XPR1: variants seen among roughly 807,000 people sequenced by gnomAD.
XPR1 encodes the protein xenotropic and polytropic retrovirus receptor 1, also known as solute carrier family 53 member 1.
A neutral mutation model predicts 87.5 loss-of-function variants in XPR1; 28 were observed. The observed-to-expected ratio is 0.32, with a 90% confidence interval of 0.24 to 0.44. XPR1 has a LOEUF of 0.44. Ranked by LOEUF, XPR1 falls within the 20% of genes least tolerant of loss-of-function variation. The pLI is 1.00. For synonymous variants in XPR1, 300 were observed against 306.1 expected (o/e 0.98, Z 0.21); for missense variants, 559 against 862.3 (o/e 0.65, Z 4.41).
At chr1:180,754,495 G>C (rs1268532909) in intron 2 of XPR1, among the ~76,000 whole-genome samples, 3 of 151,932 alleles carry the variant, frequency 2.0e-5, no homozygotes, top group African/African-American at 7.3e-5. Flanking sequence ...GGGTCTCCCT[G>C]TATCACCCTG....
intron 2 of XPR1, among the ~76,000 whole-genome samples, chr1:180,757,975 A>G (rs1647822352): frequency 6.6e-6 from 1 of 151,770 alleles, no homozygotes; most frequent in African/African-American, 2.4e-5. Context: ...TAGTAGAGAA[A>G]GCCCAGCTAT....
chr1:180,695,518 T>C (rs565306349), intron 2 of XPR1, among the ~76,000 whole-genome samples: 29 of 152,250 alleles, frequency 1.9e-4, no homozygotes, highest in Admixed American at 1.7e-3. Flanking sequence ...AGACCAATGT[T>C]CTGAAACATA....
At chr1:180,772,819 C>A (rs1648570656) in intron 2 of XPR1, among the ~76,000 whole-genome samples, 1 of 152,162 alleles carries the variant, frequency 6.6e-6, no homozygotes, top group Non-Finnish European at 1.5e-5. Flanking sequence ...ATCCAATAAA[C>A]CTCTTTCTTT....
chr1:180,823,553 A>G (rs768965692), intron 7 of XPR1, among the ~76,000 whole-genome samples: 3 of 152,236 alleles, frequency 2.0e-5, no homozygotes, highest in Non-Finnish European at 2.9e-5. Flanking sequence ...TCAAGAGTTA[A>G]TATTTTAGGG....
intron 11 of XPR1, among the ~76,000 whole-genome samples, chr1:180,854,536 C>T (rs916936080): frequency 6.6e-6 from 1 of 152,342 alleles, no homozygotes; most frequent in African/African-American, 2.4e-5. Context: ...TGCTCAGTCT[C>T]TGTGGACCAG....
intron 7 of XPR1, among the ~76,000 whole-genome samples, chr1:180,811,731 A>G (rs902820348): frequency 6.6e-6 from 1 of 151,688 alleles, no homozygotes; most frequent in Non-Finnish European, 1.5e-5. Flanking sequence ...TTTCTTCATC[A>G]TTTTCCAGTT....
intron 2 of XPR1, among the ~76,000 whole-genome samples, chr1:180,771,495 A>G (rs923809525): frequency 1.1e-4 from 16 of 152,210 alleles, no homozygotes; most frequent in African/African-American, 3.6e-4. Flanking sequence ...TACTGACTCA[A>G]CTACAGACCT....
chr1:180,803,308 A>G (rs1453731728), intron 3 of XPR1, 80 bp from the exon 4 acceptor site: 1 of 1,312,274 alleles, frequency 7.6e-7, no homozygotes, highest in Non-Finnish European at 1.0e-6. Context: ...AAGGGAGCAA[A>G]TGGGAATTAT....
chr1:180,782,127 A>G (rs1033930152), intron 2 of XPR1, among the ~76,000 whole-genome samples: 7 of 151,586 alleles, frequency 4.6e-5, no homozygotes, highest in African/African-American at 7.2e-5. Context: ...TCTCAAAGTC[A>G]TTCTTTACCT....
intron 9 of XPR1, among the ~76,000 whole-genome samples, chr1:180,830,386 TG>T (rs1176201406): frequency 6.6e-6 from 1 of 152,172 alleles, no homozygotes; most frequent in African/African-American, 2.4e-5. Context: ...AAAGCCTGTA[TG>T]ATGTCCCACA....
intron 2 of XPR1, among the ~76,000 whole-genome samples, chr1:180,713,093 G>A (rs1000609853): frequency 1.1e-4 from 17 of 151,714 alleles, no homozygotes; most frequent in African/African-American, 3.4e-4. Flanking sequence ...TGGGGAAAAC[G>A]TTGACATCTT....
chr1:180,744,650 C>CTTTTTTTTTTTTT (rs200044209), intron 2 of XPR1, among the ~76,000 whole-genome samples: 1,022 of 56,688 alleles, frequency 0.018, 101 homozygotes, highest in Non-Finnish European at 0.021. Context: ...GGCACAATTT[C>CTTTTTTTTTTTTT]TTTCTTTTTT....
chr1:180,644,057 C>T (rs1048249576), intron 1 of XPR1, among the ~76,000 whole-genome samples: 1 of 152,108 alleles, frequency 6.6e-6, no homozygotes, highest in Admixed American at 6.6e-5. Context: ...ATATTAAGCT[C>T]ACATGGGAGT....
At chr1:180,724,593 G>T (rs1658274342) in intron 2 of XPR1, among the ~76,000 whole-genome samples, 1 of 149,322 alleles carries the variant, frequency 6.7e-6, no homozygotes, top group Non-Finnish European at 1.5e-5. Context: ...TTGGCAAAAT[G>T]TTAAGTAAGA....
At chr1:180,862,351 A>ACT (rs1463579422) in intron 11 of XPR1, among the ~76,000 whole-genome samples, 1 of 152,006 alleles carries the variant, frequency 6.6e-6, no homozygotes, top group Non-Finnish European at 1.5e-5. Flanking sequence ...TGTCACCTAC[A>ACT]CTAGATGTAG....
chr1:180,720,222 A>T (rs1431657097), intron 2 of XPR1, among the ~76,000 whole-genome samples: 1 of 152,198 alleles, frequency 6.6e-6, no homozygotes, highest in East Asian at 1.9e-4. Flanking sequence ...AAAAATAAAA[A>T]ATAATTAAAC....
At chr1:180,763,921 A>T (rs61811194) in intron 2 of XPR1, among the ~76,000 whole-genome samples, 2,669 of 152,330 alleles carry the variant, frequency 0.018, 27 homozygotes, top group Admixed American at 0.026. Context: ...TAATCAAAAC[A>T]TAGAATTGTA....
intron 2 of XPR1, among the ~76,000 whole-genome samples, chr1:180,734,951 G>A (rs1418178951): frequency 3.9e-5 from 6 of 152,200 alleles, no homozygotes; most frequent in African/African-American, 1.4e-4. Flanking sequence ...TCGGAAATAC[G>A]ATCTTGGCAG....
intron 7 of XPR1, among the ~76,000 whole-genome samples, chr1:180,816,539 T>C (rs1650420180): frequency 1.3e-5 from 2 of 152,196 alleles, no homozygotes; most frequent in South Asian, 2.1e-4. Context: ...ACTTAAGTAA[T>C]ATTGTTTGTA....
Sources: allele counts gnomAD v4.1 joint callset (sites outside exome capture counted in the v4.1 genomes callset), GRCh38; gene constraint gnomAD v4.1.1; transcripts MANE v1.5; gene names NCBI Gene and HGNC (gene_info 2026-07-23, HGNC 2026-07-21).